RHOJ: variants seen among roughly 807,000 people sequenced by gnomAD.
RHOJ encodes rho-related GTP-binding protein RhoJ.
RHOJ carries 11 observed loss-of-function variants against 23.4 expected under a neutral mutation model. The observed-to-expected ratio is 0.47, with a 90% CI of 0.30 to 0.78. RHOJ has a LOEUF of 0.78. RHOJ is among the 30% of genes least tolerant of loss of function. The pLI is 0.08. For missense variants in RHOJ, 254 were observed against 273.4 expected, an observed-to-expected ratio of 0.93 and a Z score of 0.50; for synonymous variants, 102 against 102.7, an observed-to-expected ratio of 0.99 and a Z score of 0.04.
chr14:63,212,486 A>T (rs1416758917), intron 1 of RHOJ, among the ~76,000 whole-genome samples: 1 of 152,190 alleles, frequency 6.6e-6, no homozygotes, highest in Non-Finnish European at 1.5e-5. Flanking sequence ...GTGATGCATG[A>T]TTCTGTTCAT....
chr14:63,233,984 C>A (rs1189429983), intron 1 of RHOJ, among the ~76,000 whole-genome samples: 2 of 152,248 alleles, frequency 1.3e-5, no homozygotes, highest in African/African-American at 2.4e-5. Context: ...ACCTACCACC[C>A]AAGTGAACCC....
At chr14:63,276,643 GC>G (rs1463524339) in intron 2 of RHOJ, among the ~76,000 whole-genome samples, 1 of 152,142 alleles carries the variant, frequency 6.6e-6, no homozygotes, top group Non-Finnish European at 1.5e-5. Flanking sequence ...AGCACGGTGA[GC>G]CCAGTGACTG....
intron 1 of RHOJ, among the ~76,000 whole-genome samples, chr14:63,246,812 C>T (rs893057735): frequency 1.3e-4 from 20 of 152,090 alleles, no homozygotes; most frequent in East Asian, 5.8e-4. Flanking sequence ...GGAATCTAAA[C>T]GTAGAAGTGA....
chr14:63,278,810 C>A (rs1426940040), intron 2 of RHOJ, among the ~76,000 whole-genome samples: 1 of 151,904 alleles, frequency 6.6e-6, no homozygotes, highest in Non-Finnish European at 1.5e-5. Flanking sequence ...CACAGTGAGA[C>A]CCCCATCTCT....
chr14:63,284,161 T>G (rs1882004320), intron 4 of RHOJ: 16 of 921,480 alleles, frequency 1.7e-5, no homozygotes, highest in Non-Finnish European at 2.1e-5. Flanking sequence ...TACAAATTCT[T>G]CACTTACAAA....
chr14:63,221,562 G>A (rs1894494307), intron 1 of RHOJ, among the ~76,000 whole-genome samples: 2 of 152,196 alleles, frequency 1.3e-5, no homozygotes, highest in African/African-American at 4.8e-5. Context: ...TCCAGTGTCA[G>A]AAACAAAACG....
intron 1 of RHOJ, among the ~76,000 whole-genome samples, chr14:63,254,551 G>A (rs1895129075): frequency 6.6e-6 from 1 of 152,168 alleles, no homozygotes. Flanking sequence ...CCTGTAAGGA[G>A]TTCACAGTCC....
At position 63,267,551 on chromosome 14, in the gene RHOJ, A is replaced by T. The variant is rs536491812; in HGVS notation, c.179-1559A>T. ...TGTCTCCCTTCATGCCTAATCCATG[A>T]CAACTTAGTGAACTGGTCATTGAAG... On this transcript the variant is annotated intron_variant, in intron 1 of 4. Coordinates refer to ENST00000316754, the MANE Select transcript of RHOJ (RefSeq NM_020663.5). Among the ~76,000 whole-genome samples, 23 of 152,370 alleles carry T rather than the reference A, an allele frequency of 1.5e-4. No homozygotes were observed. In the East Asian group the frequency reaches 3.3e-3, roughly 22 times the overall value.
At chr14:63,254,378 G>A (rs2139643466) in intron 1 of RHOJ, among the ~76,000 whole-genome samples, 1 of 152,232 alleles carries the variant, frequency 6.6e-6, no homozygotes, top group East Asian at 1.9e-4. Context: ...AGATGCTCCT[G>A]AGATCCCTAG....
intron 1 of RHOJ, among the ~76,000 whole-genome samples, chr14:63,252,375 G>C (rs536890229): frequency 7.9e-5 from 12 of 152,164 alleles, no homozygotes; most frequent in African/African-American, 2.6e-4. Flanking sequence ...ATAAGCCAAG[G>C]TATATATTTA....
Position 63,291,235 on chromosome 14 carries a change from G to A in RHOJ, c.*211G>A, listed in dbSNP as rs1882241393. 1.7e-6 allele frequency: 1 copy of A among 590,234 alleles called. No individual in the cohort carries two copies. The highest frequency in any genetic ancestry group is 1.9e-5 in the South Asian group (1 of 52,676). 36.6% of individuals were successfully genotyped at this position (590,234 alleles called of 1,614,324 possible). A position where few individuals can be genotyped will look rare whatever the true frequency, so the allele number is the denominator to read the frequency against. On this transcript the variant is annotated 3_prime_UTR_variant, in exon 5 of 5. Transcript: ENST00000316754. ...CCAGCCAGAAGCATCCGTACTGCAC[G>A]CTGTCTGAGAATGCTGGGCCTGGAT...
chr14:63,249,118 C>A (rs1895025282), intron 1 of RHOJ, among the ~76,000 whole-genome samples: 1 of 152,200 alleles, frequency 6.6e-6, no homozygotes, highest in South Asian at 2.1e-4. Context: ...GGCTGAGAAG[C>A]TCAGGGCACT....
chr14:63,259,234 T>C (rs1455628962), intron 1 of RHOJ, among the ~76,000 whole-genome samples: 1 of 152,186 alleles, frequency 6.6e-6, no homozygotes. Context: ...GTGAATTAAT[T>C]GTACCTTACC....
intron 1 of RHOJ, among the ~76,000 whole-genome samples, chr14:63,248,827 T>G (rs1208187106): frequency 6.6e-6 from 1 of 152,168 alleles, no homozygotes; most frequent in Admixed American, 6.5e-5. Flanking sequence ...CATTCTCAGA[T>G]AGATTTCTTT....
intron 1 of RHOJ, among the ~76,000 whole-genome samples, chr14:63,249,214 C>A (rs1185047138): frequency 6.6e-6 from 1 of 152,224 alleles, no homozygotes; most frequent in Non-Finnish European, 1.5e-5. Context: ...GAGCAAAAAG[C>A]TTCTAAAGAG....
At chr14:63,242,598 G>C (rs1894903045) in intron 1 of RHOJ, among the ~76,000 whole-genome samples, 2 of 152,082 alleles carry the variant, frequency 1.3e-5, no homozygotes, top group South Asian at 4.2e-4. Flanking sequence ...GGTTTTGTTG[G>C]GAGTTGATGT....
chr14:63,215,933 G>T (rs887944386), intron 1 of RHOJ, among the ~76,000 whole-genome samples: 6 of 152,254 alleles, frequency 3.9e-5, no homozygotes, highest in Non-Finnish European at 8.8e-5. Flanking sequence ...ACATCCAAGA[G>T]TCTCAGTCTT....
intron 1 of RHOJ, among the ~76,000 whole-genome samples, chr14:63,215,892 C>T (rs533141502): frequency 3.9e-5 from 6 of 152,206 alleles, no homozygotes; most frequent in Non-Finnish European, 7.4e-5. Context: ...AATAGCCACC[C>T]GGAACTGTTT....
intron 2 of RHOJ, among the ~76,000 whole-genome samples, chr14:63,270,360 T>C (rs1010580450): frequency 6.6e-6 from 1 of 152,032 alleles, no homozygotes; most frequent in Non-Finnish European, 1.5e-5. Flanking sequence ...ACCTGGAAAA[T>C]CTAGCACCAG....
Sources: gnomAD v4.1 joint callset for allele counts (sites outside exome capture counted in the v4.1 genomes callset) on GRCh38, gnomAD v4.1.1 for gene constraint, MANE v1.5 for transcripts, NCBI Gene and HGNC (gene_info 2026-07-23, HGNC 2026-07-21) for gene names.